HS3ST5: variants seen among roughly 807,000 people sequenced by gnomAD.
The protein encoded by HS3ST5 is heparan sulfate glucosamine 3-O-sulfotransferase 5.
Under a neutral mutation model 25.4 loss-of-function variants are expected in HS3ST5, and 10 were observed. The ratio of observed to expected loss-of-function variants is 0.39; its 90% CI spans 0.24 to 0.67. The LOEUF (loss-of-function observed/expected upper bound fraction) is 0.67, where lower values mean the gene tolerates loss of function less well. Ranked by LOEUF, HS3ST5 falls within the 30% of genes least tolerant of loss-of-function variation. HS3ST5 has a pLI of 0.44. For missense variants in HS3ST5, 324 were observed against 420.7 expected, an observed-to-expected ratio of 0.77 and a Z score of 2.01; for synonymous variants, 170 against 162.4, an observed-to-expected ratio of 1.05 and a Z score of -0.36.
At chr6:114,280,143 G>T (rs777032674) in intron 1 of HS3ST5, among the ~76,000 whole-genome samples, 11 of 151,782 alleles carry the variant, frequency 7.2e-5, no homozygotes, top group South Asian at 2.1e-4. Flanking sequence ...GAGAGTGGGG[G>T]ATGAGGTGTG....
Position 114,104,943 on chromosome 6 carries a change from C to T in HS3ST5, c.-32-42066G>A, listed in dbSNP as rs192461774. Among the ~76,000 whole-genome samples the T allele has an allele frequency of 2.5e-3, 375 of 151,666 alleles. 2 individuals are homozygous for T. The highest frequency in any genetic ancestry group is 3.9e-3 in the Admixed American group (60 of 15,244). ...GGATACCAGTCATCTTTGCGGTTTA[C>T]AAGAGCACTTTCAAACATCCACAGA... On this transcript the variant is annotated intron_variant, in intron 3 of 4. Transcript: ENST00000312719.
Position 114,129,251 on chromosome 6 carries a change from C to CTTTTTTT in HS3ST5, c.-33+39093_-33+39099dup, listed in dbSNP as rs398048772. Among the ~76,000 whole-genome samples, 22 of 98,020 alleles carry CTTTTTTT rather than the reference C, an allele frequency of 2.2e-4. 2 individuals are homozygous for CTTTTTTT. Among genetic ancestry groups the CTTTTTTT allele is most frequent in the South Asian group, 4.0e-4 (1 of 2,472 alleles). The allele number at this position is 98,020 out of a possible 152,430, so 64.3% of individuals were successfully genotyped here. A position where few individuals can be genotyped will look rare whatever the true frequency, so the allele number is the denominator to read the frequency against. ...TGAGACACACACCTGCAACAAGAAC[C>CTTTTTTT]TTTTTTTTTTTTTTTTTTTTTTGAG... On this transcript the variant is annotated intron_variant, in intron 3 of 4. Coordinates refer to ENST00000312719, the MANE Select transcript of HS3ST5 (RefSeq NM_153612.4).
intron 2 of HS3ST5, among the ~76,000 whole-genome samples, chr6:114,211,619 C>T (rs1335681477): frequency 6.6e-6 from 1 of 152,032 alleles, no homozygotes; most frequent in East Asian, 1.9e-4. Flanking sequence ...ATAAAGACTC[C>T]ATTTACTAAG....
At chr6:114,272,397 T>C (rs1002332333) in intron 1 of HS3ST5, among the ~76,000 whole-genome samples, 1 of 152,102 alleles carries the variant, frequency 6.6e-6, no homozygotes, top group South Asian at 2.1e-4. Context: ...AGACTTAACT[T>C]TGAAAGATTA....
At chr6:114,274,812 T>C (rs749216210) in intron 1 of HS3ST5, among the ~76,000 whole-genome samples, 4 of 152,078 alleles carry the variant, frequency 2.6e-5, no homozygotes, top group South Asian at 2.1e-4. Context: ...AGAGTTTAAG[T>C]ACCTTGGAGT....
At chr6:114,124,398 C>T (rs1328435997) in intron 3 of HS3ST5, among the ~76,000 whole-genome samples, 1 of 152,198 alleles carries the variant, frequency 6.6e-6, no homozygotes, top group Non-Finnish European at 1.5e-5. Flanking sequence ...TCATTTCTCT[C>T]AGTCTATAGC....
chr6:114,062,814 T>C lies in HS3ST5; in HGVS notation c.32A>G (p.Gln11Arg). 4 of 1,614,052 alleles carry C rather than the reference T, an allele frequency of 2.5e-6. No homozygotes were observed. The highest frequency in any genetic ancestry group is 2.5e-6 in the Non-Finnish European group (3 of 1,179,936). The part of the protein sequence containing the change: MLFKQQAWLR[Q>R]KLLVLGSLAV... ...AAGGCTTCCCAGCACCAGGAGCTTC[T>C]GTCTCAGCCACGCCTGCTGTTTGAA... is the stretch of plus-strand genomic sequence containing the variant. The change falls in exon 4 of 5, where the codon CAG becomes CGG. Residue 11 changes from glutamine to arginine, a missense_variant. By Grantham distance (43) the Gln-to-Arg change is conservative (BLOSUM62 1). Coordinates refer to ENST00000312719, the MANE Select transcript of HS3ST5 (RefSeq NM_153612.4).
At chr6:114,246,552 G>A (rs1772387778) in intron 1 of HS3ST5, among the ~76,000 whole-genome samples, 1 of 152,184 alleles carries the variant, frequency 6.6e-6, no homozygotes, top group African/African-American at 2.4e-5. Context: ...TTGTCTGCCA[G>A]TCGTTTAAGC....
chr6:114,273,971 C>T (rs1200387326), intron 1 of HS3ST5, among the ~76,000 whole-genome samples: 1 of 151,698 alleles, frequency 6.6e-6, no homozygotes, highest in East Asian at 1.9e-4. Context: ...GAAGAAATAA[C>T]CATGTTTACA....
At chr6:114,336,981 A>T (rs912751875) in intron 1 of HS3ST5, among the ~76,000 whole-genome samples, 1 of 152,204 alleles carries the variant, frequency 6.6e-6, no homozygotes, top group Non-Finnish European at 1.5e-5. Context: ...TATGCCTTGT[A>T]TGCCTTTTTA....
At chr6:114,316,305 T>C (rs1440447925) in intron 1 of HS3ST5, among the ~76,000 whole-genome samples, 4 of 152,220 alleles carry the variant, frequency 2.6e-5, no homozygotes, top group Non-Finnish European at 5.9e-5. Flanking sequence ...TGGAAGTTAC[T>C]CTTCCAACCA....
At chr6:114,334,983 T>C (rs908987779) in intron 1 of HS3ST5, among the ~76,000 whole-genome samples, 3 of 152,208 alleles carry the variant, frequency 2.0e-5, no homozygotes, top group Non-Finnish European at 4.4e-5. Context: ...ATTACTCTTT[T>C]GTTCATTGCA....
At chr6:114,258,462 C>A (rs185127594) in intron 1 of HS3ST5, among the ~76,000 whole-genome samples, 2 of 152,290 alleles carry the variant, frequency 1.3e-5, no homozygotes, top group South Asian at 4.2e-4. Flanking sequence ...GCAGGGCCAG[C>A]CCAATGCTGT....
At chr6:114,118,662 G>A (rs2114869111) in intron 3 of HS3ST5, among the ~76,000 whole-genome samples, 1 of 152,326 alleles carries the variant, frequency 6.6e-6, no homozygotes, top group South Asian at 2.1e-4. Context: ...TGAATTGATA[G>A]AAAGGTATAT....
intron 2 of HS3ST5, among the ~76,000 whole-genome samples, chr6:114,210,381 T>C (rs1177957058): frequency 1.3e-5 from 2 of 152,186 alleles, no homozygotes; most frequent in African/African-American, 2.4e-5. Context: ...TTATTTTAGC[T>C]ATTGTAGCAG....
chr6:114,066,212 G>A (rs1403260276), intron 3 of HS3ST5, among the ~76,000 whole-genome samples: 4 of 152,216 alleles, frequency 2.6e-5, no homozygotes, highest in African/African-American at 9.6e-5. Context: ...GCACTAGAAA[G>A]CTTACAGAAA....
intron 3 of HS3ST5, among the ~76,000 whole-genome samples, chr6:114,091,045 T>C (rs1775093131): frequency 6.6e-6 from 1 of 152,204 alleles, no homozygotes; most frequent in Non-Finnish European, 1.5e-5. Context: ...TTTCTTTCAT[T>C]TCAGGGGGCC....
At chr6:114,108,837 TTA>T (rs1319430904) in intron 3 of HS3ST5, among the ~76,000 whole-genome samples, 1 of 152,176 alleles carries the variant, frequency 6.6e-6, no homozygotes, top group African/African-American at 2.4e-5. Flanking sequence ...GTGCCATTTA[TTA>T]TATGTCAAGT....
chr6:114,158,395 A>C (rs1289952676), intron 3 of HS3ST5, among the ~76,000 whole-genome samples: 1 of 152,220 alleles, frequency 6.6e-6, no homozygotes, highest in African/African-American at 2.4e-5. Context: ...AAAATTGAAA[A>C]AACATCTATA....
Sources: gnomAD v4.1 joint callset for allele counts (sites outside exome capture counted in the v4.1 genomes callset) on GRCh38, gnomAD v4.1.1 for gene constraint, MANE v1.5 for transcripts, NCBI Gene and HGNC (gene_info 2026-07-23, HGNC 2026-07-21) for gene names.